Variants in TENM3 observed in about 807,000 individuals in gnomAD.
The protein encoded by TENM3 is teneurin-3.
A neutral mutation model predicts 255.1 loss-of-function variants in TENM3; 63 were observed. The observed-to-expected ratio is 0.25, with a 90% CI of 0.20 to 0.30. TENM3 has a LOEUF of 0.30. Ranked by LOEUF, TENM3 falls within the 10% of genes least tolerant of loss-of-function variation. TENM3 has a pLI of 1.00. For missense variants in TENM3, 2,929 were observed against 3,461.1 expected (o/e 0.85, Z 3.86); for synonymous variants, 1,306 against 1,322.3 (o/e 0.99, Z 0.27).
intron 3 of TENM3, among the ~76,000 whole-genome samples, chr4:182,584,637 T>G (rs982870711): frequency 6.6e-6 from 1 of 152,188 alleles, no homozygotes; most frequent in Middle Eastern, 3.2e-3. Context: ...TAGGTGTTTC[T>G]TTGCCTTTTT....
At chr4:181,765,686 A>C in the TENM3 span, among the ~76,000 whole-genome samples, 2 of 152,182 alleles carry the variant, frequency 1.3e-5, no homozygotes, top group African/African-American at 2.4e-5. Context: ...AAAATACATA[A>C]ATAATGAGGC....
At chr4:182,113,942 AG>A in the TENM3 span, among the ~76,000 whole-genome samples, 2 of 152,224 alleles carry the variant, frequency 1.3e-5, no homozygotes, top group Admixed American at 6.5e-5. Flanking sequence ...CCAATGAGGC[AG>A]GACCATCATT....
At chr4:181,606,962 T>C in the TENM3 span, among the ~76,000 whole-genome samples, 817 of 152,240 alleles carry the variant, frequency 5.4e-3, 5 homozygotes, top group Non-Finnish European at 8.9e-3. Context: ...GAGATGATCG[T>C]TACCAGCAGA....
the TENM3 span, among the ~76,000 whole-genome samples, chr4:181,597,080 A>G: frequency 1.3e-5 from 2 of 152,224 alleles, no homozygotes; most frequent in Non-Finnish European, 2.9e-5. Context: ...GAAAGTTAAA[A>G]AAAAACCTTT....
the TENM3 span, among the ~76,000 whole-genome samples, chr4:181,950,386 G>C: frequency 6.6e-6 from 1 of 152,156 alleles, no homozygotes; most frequent in African/African-American, 2.4e-5. Context: ...CACAAAGCCT[G>C]TTTGGTGGTC....
rs531532319 is a variant in TENM3, at chr4:182,484,325, G to A, written c.512-116599G>A. On this transcript the variant is annotated intron_variant, in intron 3 of 27. Coordinates refer to ENST00000511685, the MANE Select transcript of TENM3 (RefSeq NM_001080477.4). Reference sequence around the variant, plus strand: ...GTTGTGGAGCTAGGATTTGAACCCAGGCAGTGTGGCTTAACACTTAATGCT... The same window carrying A: ...GTTGTGGAGCTAGGATTTGAACCCAAGCAGTGTGGCTTAACACTTAATGCT... Among the ~76,000 whole-genome samples, 5 of 152,230 alleles carry A rather than the reference G, an allele frequency of 3.3e-5. No individual in the cohort carries two copies. In the South Asian group the frequency reaches 6.2e-4, roughly 19 times the overall value.
At position 182,326,715 on chromosome 4, in the gene TENM3, A is replaced by ATT. The variant is rs33970449; in HGVS notation, c.232+2470_232+2471dup. Among the ~76,000 whole-genome samples, 10 of 151,228 alleles carry ATT rather than the reference A, an allele frequency of 6.6e-5. No homozygotes were observed. In the East Asian group the frequency reaches 1.4e-3, roughly 21 times the overall value. On this transcript the variant is annotated intron_variant, in intron 2 of 27. Transcript: ENST00000511685. ...ACCATGCCAGGGTAATTTTAAAGAC[A>ATT]TTTTTTTTAATAGAGACAGGGTCTC... is the stretch of plus-strand genomic sequence containing the variant.
intron 1 of TENM3, among the ~76,000 whole-genome samples, chr4:182,315,316 G>T (rs934914966): frequency 1.3e-5 from 2 of 152,028 alleles, no homozygotes; most frequent in African/African-American, 2.4e-5. Context: ...TGTAATGAGA[G>T]TCTGCTGATG....
chr4:181,811,079 T>A, the TENM3 span, among the ~76,000 whole-genome samples: 1 of 151,994 alleles, frequency 6.6e-6, no homozygotes, highest in African/African-American at 2.4e-5. Context: ...AAATTTGGAG[T>A]AGGTTGAATT....
intron 1 of TENM3, among the ~76,000 whole-genome samples, chr4:182,151,775 A>T (rs921302953): frequency 2.6e-5 from 4 of 151,858 alleles, no homozygotes; most frequent in African/African-American, 9.7e-5. Flanking sequence ...AAACTTTAAA[A>T]TTTTTTCACT....
At chr4:182,388,113 T>G (rs1768126621) in intron 3 of TENM3, among the ~76,000 whole-genome samples, 1 of 152,140 alleles carries the variant, frequency 6.6e-6, no homozygotes, top group Non-Finnish European at 1.5e-5. Flanking sequence ...TTTTCAACCA[T>G]CTGGGCATCT....
the TENM3 span, among the ~76,000 whole-genome samples, chr4:181,592,442 A>G: frequency 1.3e-5 from 2 of 151,858 alleles, no homozygotes; most frequent in Non-Finnish European, 2.9e-5. Context: ...AAGCTGTGCA[A>G]GGATGCTTGA....
At chr4:181,768,976 A>G in the TENM3 span, among the ~76,000 whole-genome samples, 1 of 152,168 alleles carries the variant, frequency 6.6e-6, no homozygotes, top group African/African-American at 2.4e-5. Context: ...TTTCAAGATA[A>G]TGACCTTCAT....
the TENM3 span, among the ~76,000 whole-genome samples, chr4:181,643,322 A>T: frequency 2.0e-5 from 3 of 151,764 alleles, no homozygotes; most frequent in Non-Finnish European, 2.9e-5. Context: ...TTGTCTTGTG[A>T]TTTTTGCACA....
At chr4:181,906,782 A>G in the TENM3 span, among the ~76,000 whole-genome samples, 1 of 152,178 alleles carries the variant, frequency 6.6e-6, no homozygotes, top group Non-Finnish European at 1.5e-5. Context: ...CCTGAGCCCA[A>G]GCGATCCTCT....
chr4:181,849,393 A>T, the TENM3 span, among the ~76,000 whole-genome samples: 3 of 152,184 alleles, frequency 2.0e-5, no homozygotes, highest in African/African-American at 7.2e-5. Context: ...TCATAAAATT[A>T]TATTGTTGCC....
At chr4:181,704,315 AG>A in the TENM3 span, among the ~76,000 whole-genome samples, 1 of 152,134 alleles carries the variant, frequency 6.6e-6, no homozygotes, top group Non-Finnish European at 1.5e-5. Context: ...TGCCTTGCAA[AG>A]TCAAAGAACT....
At chr4:182,116,999 G>C in the TENM3 span, among the ~76,000 whole-genome samples, 1 of 152,190 alleles carries the variant, frequency 6.6e-6, no homozygotes, top group Non-Finnish European at 1.5e-5. Flanking sequence ...TAGTTGTGTA[G>C]TGGTATCTCA....
At chr4:181,525,396 C>CAAAAAAAAAAAAAAAAAAAACAAAAAAA in the TENM3 span, among the ~76,000 whole-genome samples, 1 of 97,316 alleles carries the variant, frequency 1.0e-5, no homozygotes, top group Non-Finnish European at 2.1e-5. Flanking sequence ...GACCCTGTTT[C>CAAAAAAAAAAAAAAAAAAAACAAAAAAA]AAAAAAAAAA....
Sources: allele counts gnomAD v4.1 joint callset (sites outside exome capture counted in the v4.1 genomes callset), GRCh38; gene constraint gnomAD v4.1.1; transcripts MANE v1.5; gene names NCBI Gene and HGNC (gene_info 2026-07-23, HGNC 2026-07-21).